The following TNRC6C variants were observed in gnomAD, a reference collection of about 807,000 sequenced individuals.
TNRC6C encodes the protein trinucleotide repeat-containing gene 6C protein.
In TNRC6C, 20 loss-of-function variants were observed where a neutral mutation model predicts 153.7. The observed-to-expected ratio is 0.13, with a 90% CI of 0.09 to 0.19. The LOEUF (loss-of-function observed/expected upper bound fraction) is 0.19. Ranked by LOEUF, TNRC6C falls within the 10% of genes least tolerant of loss-of-function variation. The probability of loss-of-function intolerance (pLI) is 1.00; values close to 1 mark genes in which losing one functional copy is unlikely to be tolerated. For synonymous variants in TNRC6C, 811 were observed against 841.4 expected (o/e 0.96, Z 0.63); for missense variants, 1,987 against 2,172.0 (o/e 0.91, Z 1.69).
At chr17:78,003,613 C>G (rs1045554928), upstream of TNRC6C, among the ~76,000 whole-genome samples, 1 of 152,038 alleles carries the variant, frequency 6.6e-6, no homozygotes, top group African/African-American at 2.4e-5. Context: ...CCAAGAGATT[C>G]AATATGTTGT....
In TNRC6C at chr17:78,104,731, G is replaced by A. The variant is rs1292153121; in HGVS notation, c.4959G>A (p.Gln1653=). Reference sequence around the variant, plus strand: ...AGCTGCTGTGGGGCGGGGTGCCCCAGTACTCCAGCAGCCTGTGGGGCCCGC... The same window carrying A: ...AGCTGCTGTGGGGCGGGGTGCCCCAATACTCCAGCAGCCTGTGGGGCCCGC... Residue 1653 remains glutamine (Q), a synonymous_variant, in exon 20 of 20, where the codon CAG becomes CAA. Coordinates refer to ENST00000301624, the Ensembl canonical transcript of TNRC6C. The surrounding 1 kb of genome is among the most constrained non-coding windows in gnomAD (Gnocchi z 6.2). The A allele has an allele frequency of 8.5e-6, 13 of 1,529,216 alleles. No individual in the cohort carries two copies. Among genetic ancestry groups the A allele is most frequent in the East Asian group, 4.9e-5 (2 of 40,466 alleles). 94.7% of individuals were successfully genotyped at this position (1,529,216 alleles called of 1,614,324 possible). A position where few individuals can be genotyped will look rare whatever the true frequency, so the allele number is the denominator to read the frequency against.
At chr17:77,959,997 T>C (rs2070848574) in intron 1 of TNRC6C, among the ~76,000 whole-genome samples, 1 of 152,122 alleles carries the variant, frequency 6.6e-6, no homozygotes. Context: ...CTGGCAAGCA[T>C]GTTACACGGA....
At chr17:77,958,288 C>G (rs1328067258), upstream of TNRC6C, among the ~76,000 whole-genome samples, 9 of 152,052 alleles carry the variant, frequency 5.9e-5, no homozygotes. Context: ...CGCGGAGCCA[C>G]AGCGCCCAGG....
chr17:77,985,601 C>CAAAAAAAAAAAAAAAAAAAAA (rs1229331703), intron 1 of TNRC6C, among the ~76,000 whole-genome samples: 9 of 96,234 alleles, frequency 9.4e-5, no homozygotes, highest in African/African-American at 3.8e-4. Flanking sequence ...GACTCCGTCT[C>CAAAAAAAAAAAAAAAAAAAAA]AAAAAAAAAA....
At chr17:78,020,010 T>C (rs1173518438) in intron 1 of TNRC6C, among the ~76,000 whole-genome samples, 1 of 152,236 alleles carries the variant, frequency 6.6e-6, no homozygotes, top group Non-Finnish European at 1.5e-5. Context: ...TTTGAGATCT[T>C]CCACTTATCC....
At chr17:78,087,852 G>A (rs2073324512) in intron 13 of TNRC6C, among the ~76,000 whole-genome samples, 1 of 152,194 alleles carries the variant, frequency 6.6e-6, no homozygotes, top group Admixed American at 6.5e-5. Context: ...CTCGAGGTCA[G>A]GCCAGTCAGG....
intron 2 of TNRC6C, among the ~76,000 whole-genome samples, chr17:78,036,010 C>A (rs923696448): frequency 6.6e-6 from 1 of 152,150 alleles, no homozygotes; most frequent in Admixed American, 6.5e-5. Flanking sequence ...GATTACATTT[C>A]TCTAACTTGT....
intron 10 of TNRC6C, among the ~76,000 whole-genome samples, chr17:78,081,738 C>T (rs531015112): frequency 8.5e-5 from 13 of 152,172 alleles, no homozygotes; most frequent in Non-Finnish European, 1.3e-4. Context: ...GCCACAGCTG[C>T]ACCCAGTCTG....
intron 3 of TNRC6C, among the ~76,000 whole-genome samples, chr17:78,058,418 A>AT: frequency 6.6e-6 from 1 of 152,234 alleles, no homozygotes; most frequent in Non-Finnish European, 1.5e-5. Context: ...TAACAAAACC[A>AT]TTTAGTGAGT....
In TNRC6C at chr17:78,103,225, G is replaced by A. The variant is rs184932544; in HGVS notation, c.4573-189G>A. 1.5e-3 allele frequency among the ~76,000 whole-genome samples: 229 copies of A among 152,252 alleles called. 3 individuals are homozygous for A. The highest frequency in any genetic ancestry group is 7.9e-3 in the Admixed American group (121 of 15,290). On this transcript the variant is annotated intron_variant, in intron 18 of 19. Coordinates refer to ENST00000301624, the Ensembl canonical transcript of TNRC6C. ...TATAAAATGTAACTGAAGCATCCAAGTTTTTAGTTACACGTTTGGCCACAG... is the reference window on the plus strand; with the variant it reads ...TATAAAATGTAACTGAAGCATCCAAATTTTTAGTTACACGTTTGGCCACAG...
At chr17:78,005,048 T>C (rs545682954), upstream of TNRC6C, 31 of 1,227,642 alleles carry the variant, frequency 2.5e-5, no homozygotes, top group East Asian at 9.5e-4. Context: ...CTCTCTTTTT[T>C]TTTTTTCAGG....
At chr17:77,991,689 C>T (rs745607003) in intron 1 of TNRC6C, among the ~76,000 whole-genome samples, 4 of 152,074 alleles carry the variant, frequency 2.6e-5, no homozygotes, top group Non-Finnish European at 5.9e-5. Flanking sequence ...ATAGCAGCTT[C>T]GCTTTTACTC....
intron 1 of TNRC6C, among the ~76,000 whole-genome samples, chr17:78,015,263 A>G (rs1385104695): frequency 6.6e-6 from 1 of 152,210 alleles, no homozygotes; most frequent in Non-Finnish European, 1.5e-5. Flanking sequence ...GTCATAGGAC[A>G]TATCATCTAT....
intron 9 of TNRC6C, among the ~76,000 whole-genome samples, chr17:78,078,553 T>A (rs1027617393): frequency 1.3e-5 from 2 of 152,206 alleles, no homozygotes; most frequent in East Asian, 3.8e-4. Flanking sequence ...TCACATCCTT[T>A]TGGAAATGTA....
At chr17:78,094,515 TGCAACCTCCGCCTC>T (rs2073449790) in intron 16 of TNRC6C, among the ~76,000 whole-genome samples, 1 of 151,776 alleles carries the variant, frequency 6.6e-6, no homozygotes, top group Admixed American at 6.6e-5. Flanking sequence ...CTTGGCTCAC[TGCAACCTCCGCCTC>T]GCAGGCTCAA....
intron 15 of TNRC6C, chr17:78,093,385 G>C: frequency 1.5e-6 from 1 of 665,838 alleles, no homozygotes; most frequent in Non-Finnish European, 2.5e-6. Flanking sequence ...CACACTATCC[G>C]GTAAAACTAT....
At chr17:78,076,311 C>A (rs551732533) in intron 8 of TNRC6C, among the ~76,000 whole-genome samples, 15 of 152,148 alleles carry the variant, frequency 9.9e-5, no homozygotes, top group African/African-American at 3.4e-4. Context: ...TCCTCCAGCA[C>A]GTGATCTGCC....
intron 5 of TNRC6C, among the ~76,000 whole-genome samples, chr17:78,070,029 G>A (rs1295722022): frequency 6.6e-6 from 1 of 152,208 alleles, no homozygotes; most frequent in Admixed American, 6.5e-5. Flanking sequence ...TTTGAATCGT[G>A]TGAATGTATT....
chr17:78,042,742 C>T (rs1211127604), intron 2 of TNRC6C, among the ~76,000 whole-genome samples: 1 of 151,122 alleles, frequency 6.6e-6, no homozygotes, highest in Non-Finnish European at 1.5e-5. Flanking sequence ...TGGTAGTGGT[C>T]ATCATGATGC....
Sources: allele counts gnomAD v4.1 joint callset (sites outside exome capture counted in the v4.1 genomes callset), GRCh38; gene constraint gnomAD v4.1.1; non-coding constraint Gnocchi (gnomAD v3.1); transcripts MANE v1.5; gene names NCBI Gene and HGNC (gene_info 2026-07-23, HGNC 2026-07-21).